Variants in IRF2 observed in about 807,000 individuals in gnomAD.
IRF2 encodes the protein interferon regulatory factor 2.
Under a neutral mutation model 40.6 loss-of-function variants are expected in IRF2, and 15 were observed. The ratio of observed to expected loss-of-function variants is 0.37; its 90% CI spans 0.25 to 0.57. The LOEUF (loss-of-function observed/expected upper bound fraction) is 0.57, where lower values mean the gene tolerates loss of function less well. Among genes scored for constraint, IRF2 ranks in the 20% least tolerant of loss-of-function variants. The pLI is 0.77. For synonymous variants in IRF2, 151 were observed against 165.5 expected (o/e 0.91, Z 0.67); for missense variants, 317 against 455.7 (o/e 0.70, Z 2.77).
intron 5 of IRF2, among the ~76,000 whole-genome samples, chr4:184,409,904 CA>C (rs34502222): frequency 0.16 from 19,193 of 123,360 alleles, 1,383 homozygotes; most frequent in Non-Finnish European, 0.2. Flanking sequence ...TTCTTAAAGA[CA>C]AAAAAAAAAA....
chr4:184,416,053 G>A (rs574579739), intron 5 of IRF2, among the ~76,000 whole-genome samples: 40 of 152,304 alleles, frequency 2.6e-4, no homozygotes, highest in African/African-American at 9.1e-4. Flanking sequence ...GCTCACACTT[G>A]TAATTCCAAC....
chr4:184,417,900 C>T (rs769760168), intron 5 of IRF2, among the ~76,000 whole-genome samples: 3 of 152,180 alleles, frequency 2.0e-5, no homozygotes, highest in Non-Finnish European at 4.4e-5. Flanking sequence ...CTGTGGTGGC[C>T]AGATGGAGGC....
At chr4:184,418,729 T>C (rs941241429) in intron 3 of IRF2, 21 bp from the exon 4 acceptor site, 7 of 1,597,636 alleles carry the variant, frequency 4.4e-6, no homozygotes, top group African/African-American at 1.3e-5. Flanking sequence ...AGACAAAGAT[T>C]AAGAAAAAGA....
intron 7 of IRF2, among the ~76,000 whole-genome samples, chr4:184,396,240 T>G (rs188774718): frequency 3.3e-5 from 5 of 152,140 alleles, no homozygotes; most frequent in Admixed American, 3.3e-4. Flanking sequence ...GAAAATCAAA[T>G]GAGATCACGG....
chr4:184,395,412 CAAAAAAAAAA>C (rs34566726), intron 7 of IRF2, among the ~76,000 whole-genome samples: 2 of 67,098 alleles, frequency 3.0e-5, no homozygotes, highest in Non-Finnish European at 2.6e-5. Context: ...GACTCCGTCT[CAAAAAAAAAA>C]AAAAAAAAAA....
intron 1 of IRF2, among the ~76,000 whole-genome samples, chr4:184,449,351 A>G (rs556665284): frequency 6.6e-6 from 1 of 152,306 alleles, no homozygotes; most frequent in Non-Finnish European, 1.5e-5. Context: ...TTTGGCTTCA[A>G]AGTCACTTGA....
chr4:184,456,311 G>C (rs1738930549), intron 1 of IRF2, among the ~76,000 whole-genome samples: 1 of 152,180 alleles, frequency 6.6e-6, no homozygotes, highest in Non-Finnish European at 1.5e-5. Context: ...CTAGAAGAGG[G>C]GGCATCTGAA....
chr4:184,473,133 G>A lies in IRF2; in HGVS notation c.-7+1246C>T, dbSNP rs546878689. ...GTGGGCGAGCCCTACCGGCGAGGCG[G>A]AAAGGAAGTGGCGGCCGCCGCGGCT... is the stretch of plus-strand genomic sequence containing the variant. On this transcript the variant is annotated intron_variant, in intron 1 of 8. Coordinates refer to ENST00000393593, the MANE Select transcript of IRF2 (RefSeq NM_002199.4). 1.1e-3 allele frequency among the ~76,000 whole-genome samples: 166 copies of A among 152,148 alleles called. 1 individual carries two copies. The highest frequency in any genetic ancestry group is 9.8e-4 in the Admixed American group (15 of 15,300).
chr4:184,388,468 T>A lies in IRF2; in HGVS notation c.*290A>T. The stretch of plus-strand genomic sequence containing the variant: ...AGGCATCCACTCCACCTTGCTGGCC[T>A]TGACCGCAGGCAATGCAGCACCTCC... On this transcript the variant is annotated 3_prime_UTR_variant, in exon 9 of 9. Coordinates refer to ENST00000393593, the MANE Select transcript of IRF2 (RefSeq NM_002199.4). This position sits in a 1 kb window ranked among gnomAD's most constrained non-coding sequence, Gnocchi z 4.6. The A allele has an allele frequency of 2.4e-6, 1 of 415,116 alleles. No individual in the cohort carries two copies. Among genetic ancestry groups the A allele is most frequent in the East Asian group, 5.0e-5 (1 of 19,820 alleles). The allele number at this position is 415,116 out of a possible 1,614,324, so 25.7% of individuals were successfully genotyped here.
rs35274774 is a variant in IRF2, at chr4:184,416,328, C to CAAAAAAAAAAAAAAAAAA, written c.411+1838_411+1839insTTTTTTTTTTTTTTTTTT. Among the ~76,000 whole-genome samples the CAAAAAAAAAAAAAAAAAA allele has an allele frequency of 1.3e-4, 13 of 100,170 alleles. 1 individual carries two copies. Among genetic ancestry groups the CAAAAAAAAAAAAAAAAAA allele is most frequent in the African/African-American group, 1.6e-4 (4 of 25,430 alleles). 65.7% of individuals were successfully genotyped at this position (100,170 alleles called of 152,430 possible). ...GTAAGACCTTGTCTCAAAAAAAAAA[C>CAAAAAAAAAAAAAAAAAA]AAAAAAAAAAAAAAACGAAAAAAAA... On this transcript the variant is annotated intron_variant, in intron 5 of 8. Transcript: ENST00000393593.
At chr4:184,463,852 A>G (rs1739228957) in intron 1 of IRF2, among the ~76,000 whole-genome samples, 1 of 152,214 alleles carries the variant, frequency 6.6e-6, no homozygotes, top group Admixed American at 6.5e-5. Flanking sequence ...ACTCTGATTA[A>G]GCTCTACTGT....
At chr4:184,456,462 G>T (rs567100514) in intron 1 of IRF2, among the ~76,000 whole-genome samples, 1 of 152,342 alleles carries the variant, frequency 6.6e-6, no homozygotes, top group South Asian at 2.1e-4. Context: ...TGCGCCACGG[G>T]GAACGTGAGA....
chr4:184,418,346 T>A (rs1487217401), intron 4 of IRF2, 133 bp from the exon 5 acceptor site: 1 of 965,018 alleles, frequency 1.0e-6, no homozygotes, highest in Non-Finnish European at 1.7e-6. Context: ...AAATTCCACA[T>A]GTATCTTTCA....
intron 1 of IRF2, among the ~76,000 whole-genome samples, chr4:184,452,140 GCCCAAGTCCC>G (rs1738734872): frequency 6.6e-6 from 1 of 152,108 alleles, no homozygotes; most frequent in South Asian, 2.1e-4. Flanking sequence ...CCCAGGCCAG[GCCCAAGTCCC>G]CCCAGCACTG....
At chr4:184,469,275 G>A (rs1054500094) in intron 1 of IRF2, among the ~76,000 whole-genome samples, 1 of 152,120 alleles carries the variant, frequency 6.6e-6, no homozygotes, top group Admixed American at 6.5e-5. Context: ...AACACACCAC[G>A]GGTCTCTACC....
chr4:184,473,104 C>T (rs923605726), intron 1 of IRF2, among the ~76,000 whole-genome samples: 3 of 152,060 alleles, frequency 2.0e-5, no homozygotes, highest in African/African-American at 7.2e-5. Context: ...GCCGGCTTCA[C>T]TCGGTGGGCG....
At chr4:184,454,054 C>T (rs1379194287) in intron 1 of IRF2, among the ~76,000 whole-genome samples, 17 of 152,208 alleles carry the variant, frequency 1.1e-4, no homozygotes, top group South Asian at 4.1e-4. Context: ...TGAAAACCAA[C>T]GCCTTCCCAA....
intron 2 of IRF2, among the ~76,000 whole-genome samples, chr4:184,426,222 G>A (rs1017265488): frequency 2.0e-5 from 3 of 152,064 alleles, no homozygotes; most frequent in African/African-American, 7.2e-5. Flanking sequence ...CACCATGTTG[G>A]CCAGGCTGGT....
intron 5 of IRF2, among the ~76,000 whole-genome samples, chr4:184,416,304 T>G: frequency 9.7e-6 from 1 of 102,976 alleles, no homozygotes; most frequent in African/African-American, 4.1e-5. Context: ...GGTGACAGAG[T>G]AAGACCTTGT....
Sources: gnomAD v4.1 joint callset for allele counts (sites outside exome capture counted in the v4.1 genomes callset) on GRCh38, gnomAD v4.1.1 for gene constraint, Gnocchi (gnomAD v3.1) non-coding constraint, MANE v1.5 for transcripts, NCBI Gene and HGNC (gene_info 2026-07-23, HGNC 2026-07-21) for gene names.